SLCO3A1: variants seen among roughly 807,000 people sequenced by gnomAD.
SLCO3A1 encodes PGE1 transporter.
Under a neutral mutation model 63.1 loss-of-function variants are expected in SLCO3A1, and 27 were observed. The observed-to-expected ratio is 0.43, with a 90% CI of 0.32 to 0.59. SLCO3A1 has a LOEUF of 0.59. SLCO3A1 is among the 20% of genes least tolerant of loss of function. SLCO3A1 has a pLI of 0.09. For synonymous variants in SLCO3A1, 473 were observed against 409.9 expected (o/e 1.15, Z -1.86); for missense variants, 773 against 945.8 (o/e 0.82, Z 2.40).
chr15:91,950,798 A>G lies in SLCO3A1; in HGVS notation c.646+34340A>G, dbSNP rs1434392369. Among the ~76,000 whole-genome samples, 1 of 152,198 alleles carries G rather than the reference A, an allele frequency of 6.6e-6. No individual in the cohort carries two copies. The highest frequency in any genetic ancestry group is 2.4e-5 in the African/African-American group (1 of 41,440). ...CAATGCTTAATTTTATGGTATGTGC[A>G]ATGCTAATTCTGCCTTTAGTAATTT... On this transcript the variant is annotated intron_variant, in intron 2 of 9. Coordinates refer to ENST00000318445, the MANE Select transcript of SLCO3A1 (RefSeq NM_013272.4). The surrounding 1 kb of genome is among the most constrained non-coding windows in gnomAD (Gnocchi z 4.4).
chr15:91,857,067 TGTGAGA>T (rs536584986), intron 1 of SLCO3A1, among the ~76,000 whole-genome samples: 1,976 of 135,254 alleles, frequency 0.015, 73 homozygotes, highest in Admixed American at 0.078. Context: ...TGTGTGTGTG[TGTGAGA>T]GAGAGAGAGA....
rs59951621 is a variant in SLCO3A1 at position 92,001,827 on chromosome 15, C to CTTTTTTT, written c.646+85389_646+85395dup. Among the ~76,000 whole-genome samples the CTTTTTTT allele has an allele frequency of 1.5e-4, 12 of 80,134 alleles. 1 individual carries two copies. The highest frequency in any genetic ancestry group is 2.8e-4 in the Non-Finnish European group (12 of 43,602). The allele number at this position is 80,134 out of a possible 152,430, so 52.6% of individuals were successfully genotyped here. ...GAAATCCATGGAAGTTGTGTGAGTT[C>CTTTTTTT]TTTTTTTTTTTTTTTTTTTTTTTTT... On this transcript the variant is annotated intron_variant, in intron 2 of 9. Coordinates refer to ENST00000318445, the MANE Select transcript of SLCO3A1 (RefSeq NM_013272.4).
chr15:92,146,224 GA>G (rs2151587693), intron 7 of SLCO3A1, among the ~76,000 whole-genome samples: 1 of 152,334 alleles, frequency 6.6e-6, no homozygotes, highest in African/African-American at 2.4e-5. Context: ...TTTGCCATCA[GA>G]AATTCCTGGA....
rs371128581 is a variant in SLCO3A1, at chr15:92,042,208, CTT to C, written c.647-52669_647-52668del. On this transcript the variant is annotated intron_variant, in intron 2 of 9. Coordinates refer to ENST00000318445, the MANE Select transcript of SLCO3A1 (RefSeq NM_013272.4). ...CCTTGAGTAAACACTTTTACTCTTT[CTT>C]TTTACTGCTACCATTTAACATTCAC... Among the ~76,000 whole-genome samples, 446 of 152,296 alleles carry C rather than the reference CTT, an allele frequency of 2.9e-3. 1 individual carries two copies. The Middle Eastern group carries it at 0.065, about 22-fold the overall frequency.
At position 92,163,095 on chromosome 15, in the gene SLCO3A1, A is replaced by C. The variant is rs779196462; in HGVS notation, c.2093A>C (p.Glu698Ala). Residue 698 changes from glutamate (E) to alanine (A), a missense_variant, in exon 10 of 10, where the codon GAA (glutamate) becomes GCA (alanine). Physicochemically the swap from Glu to Ala is moderately radical, Grantham distance 107. Coordinates refer to ENST00000318445, the MANE Select transcript of SLCO3A1 (RefSeq NM_013272.4). ...AGGACAAAGTTTATCTATAACCTGGAAGACCATGAGTGGTGTGAAAACATG... is the reference window on the plus strand; with the variant it reads ...AGGACAAAGTTTATCTATAACCTGGCAGACCATGAGTGGTGTGAAAACATG... ...THRTKFIYNLEDHEWCENMES... is the reference protein window; with the variant it reads ...THRTKFIYNLADHEWCENMES... 1 of 1,540,142 alleles carries C rather than the reference A, an allele frequency of 6.5e-7. No homozygotes were observed. The highest frequency in any genetic ancestry group is 8.7e-7 in the Non-Finnish European group (1 of 1,145,370).
intron 1 of SLCO3A1, among the ~76,000 whole-genome samples, chr15:91,857,385 C>T (rs1485267819): frequency 3.3e-5 from 5 of 152,146 alleles, no homozygotes; most frequent in Non-Finnish European, 5.9e-5. Context: ...TTCAGATAAA[C>T]CAATAGTCAC....
chr15:92,058,962 T>C (rs1456137406), intron 2 of SLCO3A1, among the ~76,000 whole-genome samples: 1 of 152,234 alleles, frequency 6.6e-6, no homozygotes, highest in Non-Finnish European at 1.5e-5. Context: ...TTAGAGCCTA[T>C]CCTGAGATCC....
At chr15:92,111,458 T>C (rs1431159601) in intron 4 of SLCO3A1, among the ~76,000 whole-genome samples, 3 of 152,210 alleles carry the variant, frequency 2.0e-5, no homozygotes, top group African/African-American at 7.2e-5. Flanking sequence ...TTAAAGTTTT[T>C]CTTTCCTGAT....
At chr15:92,014,480 C>T (rs1053678857) in intron 2 of SLCO3A1, among the ~76,000 whole-genome samples, 1 of 152,226 alleles carries the variant, frequency 6.6e-6, no homozygotes, top group East Asian at 1.9e-4. Context: ...CCAAACTATA[C>T]TTGCCATGGG....
intron 2 of SLCO3A1, among the ~76,000 whole-genome samples, chr15:92,052,327 C>G (rs1486506629): frequency 6.6e-6 from 1 of 152,118 alleles, no homozygotes; most frequent in Non-Finnish European, 1.5e-5. Context: ...GCAATACCTA[C>G]CTGGAGACAC....
intron 1 of SLCO3A1, among the ~76,000 whole-genome samples, chr15:91,881,916 G>C (rs1897598698): frequency 6.6e-6 from 1 of 152,108 alleles, no homozygotes; most frequent in Non-Finnish European, 1.5e-5. Context: ...TCCATCCCTG[G>C]CCAGGTCTGG....
chr15:91,955,085 T>G (rs1328645134), intron 2 of SLCO3A1, among the ~76,000 whole-genome samples: 2 of 152,278 alleles, frequency 1.3e-5, no homozygotes, highest in African/African-American at 4.8e-5. Flanking sequence ...ATCCTCACAC[T>G]GTGAGCCACT....
In SLCO3A1 at chr15:92,104,494, C is replaced by T; in HGVS notation, c.961C>T (p.His321Tyr). The T allele has an allele frequency of 6.2e-7, 1 of 1,614,012 alleles. No individual in the cohort carries two copies. Among genetic ancestry groups the T allele is most frequent in the Non-Finnish European group, 8.5e-7 (1 of 1,179,980 alleles). Residue 321 changes from histidine (H) to tyrosine (Y), a missense_variant, in exon 4 of 10, where the codon CAC (histidine) becomes TAC (tyrosine). This residue lies in a region of SLCO3A1 where 565 missense variants were observed against 749.8 expected (regional missense o/e 0.75). Transcript: ENST00000318445. ...RPKPSNGVLR[H>Y]PLEPDSSASC... is the part of the protein sequence containing the mutation. ...CAAGCCCAGCAACGGGGTCCTGAGG[C>T]ACCCCCTGGAGCCAGACAGCAGTGC... is the stretch of plus-strand genomic sequence containing the variant.
intron 1 of SLCO3A1, among the ~76,000 whole-genome samples, chr15:91,879,600 G>A (rs1000085068): frequency 9.9e-5 from 15 of 152,068 alleles, no homozygotes; most frequent in African/African-American, 2.4e-4. Context: ...AGAAAAATAC[G>A]AAGAAGAGAA....
Position 92,033,865 on chromosome 15 carries a change from G to A in SLCO3A1, c.647-61016G>A, listed in dbSNP as rs181432329. On this transcript the variant is annotated intron_variant, in intron 2 of 9. Coordinates refer to ENST00000318445, the MANE Select transcript of SLCO3A1 (RefSeq NM_013272.4). The surrounding 1 kb of genome is among the most constrained non-coding windows in gnomAD (Gnocchi z 4.5). ...GGTTATCTGGAGGAAAAACATTCCA[G>A]ACAGACCAGTGAGGGCTGAGGCTTA... Among the ~76,000 whole-genome samples, 3 of 152,270 alleles carry A rather than the reference G, an allele frequency of 2.0e-5. No homozygotes were observed.
intron 2 of SLCO3A1, among the ~76,000 whole-genome samples, chr15:92,007,236 T>C (rs2046323007): frequency 6.6e-6 from 1 of 152,216 alleles, no homozygotes; most frequent in South Asian, 2.1e-4. Flanking sequence ...AACACCTGTC[T>C]AGTTAATGTG....
intron 2 of SLCO3A1, among the ~76,000 whole-genome samples, chr15:92,075,227 G>A (rs1026219256): frequency 2.0e-5 from 3 of 152,174 alleles, no homozygotes; most frequent in African/African-American, 7.2e-5. Flanking sequence ...CCCCATGACA[G>A]TGTTCCAGCC....
chr15:92,047,006 TA>T (rs1171727922), intron 2 of SLCO3A1, among the ~76,000 whole-genome samples: 1 of 86,912 alleles, frequency 1.2e-5, no homozygotes, highest in African/African-American at 4.5e-5. Flanking sequence ...TATATATATA[TA>T]AATATATATA....
rs1041677492 is a variant in SLCO3A1, at chr15:91,886,585, G to A, written c.181-29408G>A. Among the ~76,000 whole-genome samples, 5 of 152,194 alleles carry A rather than the reference G, an allele frequency of 3.3e-5. No individual in the cohort carries two copies. The highest frequency in any genetic ancestry group is 4.4e-5 in the Non-Finnish European group (3 of 68,010). ...GCCTCAGCGTCAGTGTTGTTTCTAC[G>A]GTGTGACCATATTTGATGTGCTTAC... On this transcript the variant is annotated intron_variant, in intron 1 of 9. Transcript: ENST00000318445. This position sits in a 1 kb window ranked among gnomAD's most constrained non-coding sequence, Gnocchi z 4.9.
Sources: allele counts gnomAD v4.1 joint callset (sites outside exome capture counted in the v4.1 genomes callset), GRCh38; gene constraint gnomAD v4.1.1; regional missense constraint gnomAD v4.1.1; non-coding constraint Gnocchi (gnomAD v3.1); transcripts MANE v1.5; gene names NCBI Gene and HGNC (gene_info 2026-07-23, HGNC 2026-07-21).